FARS2: variants seen among roughly 807,000 people sequenced by gnomAD.
FARS2 encodes phenylalanyl-tRNA synthetase 2, mitochondrial, also known as phenylalanine--tRNA ligase, mitochondrial.
FARS2 carries 40 observed loss-of-function variants against 46.4 expected under a neutral mutation model. That is an observed-to-expected ratio of 0.86 (90% confidence interval 0.67 to 1.12). The LOEUF is 1.12. Among genes scored for constraint, FARS2 ranks in the 50% most tolerant of loss-of-function variants. The probability of loss-of-function intolerance (pLI) is 0.00; values close to 1 mark genes in which losing one functional copy is unlikely to be tolerated. For synonymous variants in FARS2, 234 were observed against 214.9 expected, an observed-to-expected ratio of 1.09 and a Z score of -0.78; for missense variants, 513 against 567.9, an observed-to-expected ratio of 0.90 and a Z score of 0.98.
At chr6:5,711,823 A>G (rs1582813866) in intron 6 of FARS2, among the ~76,000 whole-genome samples, 1 of 151,614 alleles carries the variant, frequency 6.6e-6, no homozygotes, top group South Asian at 2.1e-4. Context: ...ACAGCAGGGG[A>G]AAAGTGAGGG....
intron 1 of FARS2, among the ~76,000 whole-genome samples, chr6:5,282,893 G>A (rs1766839096): frequency 6.6e-6 from 1 of 152,162 alleles, no homozygotes; most frequent in Non-Finnish European, 1.5e-5. Flanking sequence ...GAACAGCAGG[G>A]ATAAAGGAGA....
chr6:5,751,155 C>A (rs553922911), intron 6 of FARS2, among the ~76,000 whole-genome samples: 1 of 152,214 alleles, frequency 6.6e-6, no homozygotes, highest in South Asian at 2.1e-4. Context: ...GACTCTCCCT[C>A]GAGTGATTTT....
At chr6:5,283,608 C>T (rs1294540838) in intron 1 of FARS2, among the ~76,000 whole-genome samples, 2 of 151,756 alleles carry the variant, frequency 1.3e-5, no homozygotes, top group East Asian at 1.9e-4. Flanking sequence ...ATCAGCTTCT[C>T]TCCTGTCTCT....
chr6:5,432,325 A>ATAT lies in FARS2; in HGVS notation c.904+1153_904+1154insTAT, dbSNP rs1294858821. Among the ~76,000 whole-genome samples the ATAT allele has an allele frequency of 2.7e-3, 127 of 47,286 alleles. 1 individual carries two copies. The highest frequency in any genetic ancestry group is 5.4e-3 in the East Asian group (7 of 1,298). The allele number at this position is 47,286 out of a possible 152,430, so 31.0% of individuals were successfully genotyped here. A position where few individuals can be genotyped will look rare whatever the true frequency, so the allele number is the denominator to read the frequency against. On this transcript the variant is annotated intron_variant, in intron 4 of 6. Coordinates refer to ENST00000274680, the MANE Select transcript of FARS2 (RefSeq NM_006567.5). ...GCAACACTCAGTCTTAAAAAAAAAAAAAATATATATATATATATATATATA... is the reference window on the plus strand; with the variant it reads ...GCAACACTCAGTCTTAAAAAAAAAAATATAAATATATATATATATATATATATA...
At chr6:5,322,094 G>A (rs1229899384) in intron 1 of FARS2, among the ~76,000 whole-genome samples, 6 of 152,272 alleles carry the variant, frequency 3.9e-5, no homozygotes, top group Non-Finnish European at 7.4e-5. Flanking sequence ...CAATAATGGT[G>A]ACCAAAAACA....
chr6:5,337,282 C>G (rs905825088), intron 1 of FARS2, among the ~76,000 whole-genome samples: 2 of 151,840 alleles, frequency 1.3e-5, no homozygotes, highest in East Asian at 3.9e-4. Context: ...TTGTGGCTCT[C>G]ATTGTCCTTT....
At chr6:5,750,834 T>G (rs1761904757) in intron 6 of FARS2, among the ~76,000 whole-genome samples, 2 of 152,152 alleles carry the variant, frequency 1.3e-5, no homozygotes, top group Admixed American at 1.3e-4. Context: ...ATAGGCTCTC[T>G]TTCAACTTCC....
Position 5,596,534 on chromosome 6 carries a change from A to T in FARS2, c.1066-16635A>T, listed in dbSNP as rs1421998302. ...TTATTCATTTTGCATAAGGGAAATT[A>T]ATCATTAAAGGGCTTGGAATTTTAG... On this transcript the variant is annotated intron_variant, in intron 5 of 6. Transcript: ENST00000274680. Among the ~76,000 whole-genome samples the T allele has an allele frequency of 2.6e-5, 4 of 152,254 alleles. No individual in the cohort carries two copies. The South Asian group carries it at 8.3e-4, about 32-fold the overall frequency.
At chr6:5,621,398 C>T (rs894277716) in intron 6 of FARS2, among the ~76,000 whole-genome samples, 1 of 152,006 alleles carries the variant, frequency 6.6e-6, no homozygotes, top group Non-Finnish European at 1.5e-5. Flanking sequence ...GCCAAGATCC[C>T]GGTTTTTATG....
chr6:5,635,449 G>C (rs1776498047), intron 6 of FARS2, among the ~76,000 whole-genome samples: 1 of 152,190 alleles, frequency 6.6e-6, no homozygotes, highest in African/African-American at 2.4e-5. Context: ...GGTTGAAGAT[G>C]TCACAAGCTG....
intron 1 of FARS2, among the ~76,000 whole-genome samples, chr6:5,301,844 CACAA>C (rs992514158): frequency 3.4e-5 from 5 of 147,488 alleles, no homozygotes; most frequent in African/African-American, 1.3e-4. Context: ...CACACACACA[CACAA>C]AGAAAATGGG....
chr6:5,291,756 T>TAA (rs199840201), intron 1 of FARS2, among the ~76,000 whole-genome samples: 5 of 145,112 alleles, frequency 3.4e-5, no homozygotes, highest in African/African-American at 1.0e-4. Context: ...ACCCATCTCT[T>TAA]AAAAAAAAAA....
intron 6 of FARS2, among the ~76,000 whole-genome samples, chr6:5,680,127 G>A (rs565865772): frequency 2.1e-4 from 32 of 152,274 alleles, no homozygotes; most frequent in South Asian, 6.2e-4. Flanking sequence ...AGAATGTAGC[G>A]TAGCTCTGAT....
At chr6:5,271,642 A>T (rs565921199) in intron 1 of FARS2, among the ~76,000 whole-genome samples, 78 of 137,126 alleles carry the variant, frequency 5.7e-4, no homozygotes, top group African/African-American at 2.2e-3. Flanking sequence ...GGCTCACTGC[A>T]ACCTCCGCCT....
chr6:5,386,274 C>T (rs1386398073), intron 2 of FARS2, among the ~76,000 whole-genome samples: 1 of 151,938 alleles, frequency 6.6e-6, no homozygotes, highest in South Asian at 2.1e-4. Flanking sequence ...GTGACGAGTC[C>T]CCGGAATGTG....
intron 4 of FARS2, among the ~76,000 whole-genome samples, chr6:5,481,197 C>T (rs1766435760): frequency 6.6e-6 from 1 of 152,204 alleles, no homozygotes; most frequent in South Asian, 2.1e-4. Flanking sequence ...CCACCTGCCT[C>T]CAGAGCCCAG....
chr6:5,546,417 AT>A (rs1771004184), intron 5 of FARS2, among the ~76,000 whole-genome samples: 1 of 150,814 alleles, frequency 6.6e-6, no homozygotes, highest in Non-Finnish European at 1.5e-5. Context: ...CGCCCAGCTA[AT>A]TTTGTGTATT....
chr6:5,569,301 G>A (rs9504437), intron 5 of FARS2, among the ~76,000 whole-genome samples: 32,264 of 150,934 alleles, frequency 0.21, 5,456 homozygotes, highest in African/African-American at 0.46. Flanking sequence ...CAGTGGCACA[G>A]TCATGGCTCT....
intron 2 of FARS2, among the ~76,000 whole-genome samples, chr6:5,391,790 T>C (rs1562006456): frequency 6.6e-6 from 1 of 152,202 alleles, no homozygotes; most frequent in Non-Finnish European, 1.5e-5. Flanking sequence ...CTTGTTGGCT[T>C]TCTAAATTTT....
Sources: allele counts gnomAD v4.1 joint callset (sites outside exome capture counted in the v4.1 genomes callset), GRCh38; gene constraint gnomAD v4.1.1; transcripts MANE v1.5; gene names NCBI Gene and HGNC (gene_info 2026-07-23, HGNC 2026-07-21).